ZNF462: variants seen among roughly 807,000 people sequenced by gnomAD.
The protein encoded by ZNF462 is zinc finger PBX1-interacting protein.
ZNF462 carries 10 observed loss-of-function variants against 201.9 expected under a neutral mutation model. The observed-to-expected ratio is 0.05, with a 90% CI of 0.03 to 0.08. ZNF462 has a LOEUF of 0.08. Among genes scored for constraint, ZNF462 ranks in the 10% least tolerant of loss-of-function variants. ZNF462 has a pLI of 1.00. For missense variants in ZNF462, 2,523 were observed against 3,168.3 expected, an observed-to-expected ratio of 0.80 and a Z score of 4.89; for synonymous variants, 1,227 against 1,193.3, an observed-to-expected ratio of 1.03 and a Z score of -0.58.
rs1417738828 is a variant in ZNF462 at position 106,963,665 on chromosome 9, G to A, written c.6428-8340G>A. On this transcript the variant is annotated intron_variant, in intron 7 of 12. Coordinates refer to ENST00000277225, the MANE Select transcript of ZNF462 (RefSeq NM_021224.6). The surrounding 1 kb of genome is among the most constrained non-coding windows in gnomAD (Gnocchi z 4.7). ...ACCTAACAGATGATCTTGTCTAAAG[G>A]CACCTAAAAAAATTACTGCAGTAAA... Among the ~76,000 whole-genome samples, 1 of 151,990 alleles carries A rather than the reference G, an allele frequency of 6.6e-6. No individual in the cohort carries two copies. Among genetic ancestry groups the A allele is most frequent in the East Asian group, 1.9e-4 (1 of 5,168 alleles).
chr9:106,867,661 C>G (rs915779708), intron 1 of ZNF462, among the ~76,000 whole-genome samples: 1 of 151,660 alleles, frequency 6.6e-6, no homozygotes, highest in East Asian at 1.9e-4. Context: ...TACTAATGGA[C>G]TTTAGAGTAC....
rs1261180160 is a variant in ZNF462, at chr9:107,013,602, T to G, written c.*2572T>G. On this transcript the variant is annotated 3_prime_UTR_variant, in exon 13 of 13. Coordinates refer to ENST00000277225, the MANE Select transcript of ZNF462 (RefSeq NM_021224.6). ...GCAACATACATTTTGTAATGAAATGTGAGAAATTAATAAAGAATTTTTTTC... is the reference window on the plus strand; with the variant it reads ...GCAACATACATTTTGTAATGAAATGGGAGAAATTAATAAAGAATTTTTTTC... 1.3e-5 allele frequency: 2 copies of G among 152,198 alleles called. No individual in the cohort carries two copies. Among genetic ancestry groups the G allele is most frequent in the African/African-American group, 4.8e-5 (2 of 41,462 alleles). 9.4% of individuals were successfully genotyped at this position (152,198 alleles called of 1,614,324 possible). A position where few individuals can be genotyped will look rare whatever the true frequency, so the allele number is the denominator to read the frequency against.
intron 7 of ZNF462, among the ~76,000 whole-genome samples, chr9:106,971,736 GA>G (rs1163282121): frequency 2.6e-5 from 4 of 152,154 alleles, no homozygotes; most frequent in Non-Finnish European, 5.9e-5. Context: ...TTTGCTGGGG[GA>G]GTAGGTCTTA....
intron 7 of ZNF462, among the ~76,000 whole-genome samples, chr9:106,969,198 C>T (rs1186748185): frequency 1.3e-5 from 2 of 151,930 alleles, no homozygotes; most frequent in Non-Finnish European, 2.9e-5. Flanking sequence ...TTGTTTTTGT[C>T]AATAAACCTG....
chr9:106,874,014 G>T (rs1004315382), intron 1 of ZNF462, among the ~76,000 whole-genome samples: 9 of 152,150 alleles, frequency 5.9e-5, no homozygotes, highest in Non-Finnish European at 1.2e-4. Flanking sequence ...AAGTGTACTA[G>T]AGAAGGCCAC....
At chr9:106,936,873 A>G (rs1423315331) in intron 6 of ZNF462, among the ~76,000 whole-genome samples, 2 of 152,170 alleles carry the variant, frequency 1.3e-5, no homozygotes, top group Non-Finnish European at 2.9e-5. Flanking sequence ...CTGCTCTTGG[A>G]ACTGACCCAA....
rs1829881567 is a variant in ZNF462 at position 107,010,664 on chromosome 9, G to A, written c.7314-159G>A. ...AAACATAGCAGGGATGCATCACTTG[G>A]TATTTTGTCATACACCCATGGCATT... is the stretch of plus-strand genomic sequence containing the variant. On this transcript the variant is annotated intron_variant, in intron 12 of 12. Transcript: ENST00000277225. This position sits in a 1 kb window ranked among gnomAD's most constrained non-coding sequence, Gnocchi z 4.6. 6.6e-6 allele frequency among the ~76,000 whole-genome samples: 1 copy of A among 152,128 alleles called. No homozygotes were observed. Among genetic ancestry groups the A allele is most frequent in the African/African-American group, 2.4e-5 (1 of 41,426 alleles).
chr9:107,011,247 C>T lies in ZNF462; in HGVS notation c.*217C>T. 1 of 528,794 alleles carries T rather than the reference C, an allele frequency of 1.9e-6. No individual in the cohort carries two copies. Among genetic ancestry groups the T allele is most frequent in the South Asian group, 2.2e-5 (1 of 45,328 alleles). The allele number at this position is 528,794 out of a possible 1,614,324, so 32.8% of individuals were successfully genotyped here. On this transcript the variant is annotated 3_prime_UTR_variant, in exon 13 of 13. Coordinates refer to ENST00000277225, the MANE Select transcript of ZNF462 (RefSeq NM_021224.6). The surrounding 1 kb of genome is among the most constrained non-coding windows in gnomAD (Gnocchi z 5.6). Reference sequence around the variant, plus strand: ...GGAATATGTGGCTCCTTTTCCATCACTACATCTTTTCTTCCGGATCTTCAT... The same window carrying T: ...GGAATATGTGGCTCCTTTTCCATCATTACATCTTTTCTTCCGGATCTTCAT...
intron 1 of ZNF462, among the ~76,000 whole-genome samples, chr9:106,877,669 T>C (rs756688228): frequency 1.9e-4 from 29 of 152,186 alleles, no homozygotes; most frequent in Non-Finnish European, 3.5e-4. Context: ...TGTAAGCCAC[T>C]GCGTCCAGCC....
rs1826516648 is a variant in ZNF462, at chr9:106,970,148, A to G, written c.6428-1857A>G. 6.6e-6 allele frequency among the ~76,000 whole-genome samples: 1 copy of G among 152,330 alleles called. No homozygotes were observed. Among genetic ancestry groups the G allele is most frequent in the Non-Finnish European group, 1.5e-5 (1 of 68,022 alleles). On this transcript the variant is annotated intron_variant, in intron 7 of 12. Coordinates refer to ENST00000277225, the MANE Select transcript of ZNF462 (RefSeq NM_021224.6). The surrounding 1 kb of genome is among the most constrained non-coding windows in gnomAD (Gnocchi z 4.2). ...TAGAGGAATAAAGAAAAAGGAGATA[A>G]AAGAACTGGGTAAAATGAATTCAGT...
rs1236535921 is a variant in ZNF462 at position 106,950,458 on chromosome 9, G to A, written c.6427+11351G>A. On this transcript the variant is annotated intron_variant, in intron 7 of 12. Coordinates refer to ENST00000277225, the MANE Select transcript of ZNF462 (RefSeq NM_021224.6). This position sits in a 1 kb window ranked among gnomAD's most constrained non-coding sequence, Gnocchi z 4.1. ...TGAGTTGTGATTTTATTGTTACTCTGATTTTATAGTATTTTAAAATTTTGC... is the reference window on the plus strand; with the variant it reads ...TGAGTTGTGATTTTATTGTTACTCTAATTTTATAGTATTTTAAAATTTTGC... 1.3e-5 allele frequency among the ~76,000 whole-genome samples: 2 copies of A among 152,128 alleles called. No homozygotes were observed.
intron 1 of ZNF462, among the ~76,000 whole-genome samples, chr9:106,868,031 A>AGG (rs1827420547): frequency 6.6e-6 from 1 of 150,950 alleles, no homozygotes; most frequent in Non-Finnish European, 1.5e-5. Context: ...GCAGAAGTGG[A>AGG]GGGAGACTAT....
intron 10 of ZNF462, among the ~76,000 whole-genome samples, chr9:106,989,826 T>C (rs1828129947): frequency 6.6e-6 from 1 of 152,174 alleles, no homozygotes; most frequent in Non-Finnish European, 1.5e-5. Flanking sequence ...TTTATGTGCG[T>C]AAAGGTGTTC....
At chr9:106,958,225 G>A (rs1330728843) in intron 7 of ZNF462, among the ~76,000 whole-genome samples, 1 of 152,090 alleles carries the variant, frequency 6.6e-6, no homozygotes, top group Non-Finnish European at 1.5e-5. Flanking sequence ...GGTCAGGACT[G>A]TGGGTACAAT....
chr9:106,940,792 C>T (rs1447874829), intron 7 of ZNF462, among the ~76,000 whole-genome samples: 1 of 151,762 alleles, frequency 6.6e-6, no homozygotes, highest in Non-Finnish European at 1.5e-5. Flanking sequence ...AGTCACACAT[C>T]TAGGGCTGGG....
intron 1 of ZNF462, among the ~76,000 whole-genome samples, chr9:106,881,081 A>G (rs1174301930): frequency 2.0e-5 from 3 of 152,124 alleles, no homozygotes; most frequent in Non-Finnish European, 4.4e-5. Context: ...TCGCCAGATG[A>G]GTAAGGACGA....
At position 106,925,442 on chromosome 9, in the gene ZNF462, T is replaced by G; in HGVS notation, c.1530T>G (p.Ser510=). 1 of 1,614,074 alleles carries G rather than the reference T, an allele frequency of 6.2e-7. No individual in the cohort carries two copies. Among genetic ancestry groups the G allele is most frequent in the Admixed American group, 1.7e-5 (1 of 60,016 alleles). ...TGAATTCCCAGAGTGAAAGCATTTCTTCCTCACTGAATGAAGGTGTGGTGT... is the reference window on the plus strand; with the variant it reads ...TGAATTCCCAGAGTGAAAGCATTTCGTCCTCACTGAATGAAGGTGTGGTGT... ...DAVNSQSESI[S]SSLNEGVVSY... Residue 510 remains serine (S), a synonymous_variant, in exon 3 of 13, where the codon TCT becomes TCG. Coordinates refer to ENST00000277225, the MANE Select transcript of ZNF462 (RefSeq NM_021224.6). The surrounding 1 kb of genome is among the most constrained non-coding windows in gnomAD (Gnocchi z 7.9).
At chr9:106,889,235 C>T (rs1828464367) in intron 1 of ZNF462, among the ~76,000 whole-genome samples, 1 of 152,112 alleles carries the variant, frequency 6.6e-6, no homozygotes, top group Non-Finnish European at 1.5e-5. Context: ...ACCCTTCCTC[C>T]CCACCCCTTT....
Position 106,954,608 on chromosome 9 carries a change from C to A in ZNF462, c.6427+15501C>A, listed in dbSNP as rs937524132. 3.3e-5 allele frequency among the ~76,000 whole-genome samples: 5 copies of A among 152,028 alleles called. No homozygotes were observed. The highest frequency in any genetic ancestry group is 2.6e-4 in the Admixed American group (4 of 15,258). On this transcript the variant is annotated intron_variant, in intron 7 of 12. Transcript: ENST00000277225. This position sits in a 1 kb window ranked among gnomAD's most constrained non-coding sequence, Gnocchi z 4.0. ...TCATTCTCCCTATATTCTAGCCTAA[C>A]TGGAATGAGCATCTCTCTCCTCATC...
Sources: allele counts gnomAD v4.1 joint callset (sites outside exome capture counted in the v4.1 genomes callset), GRCh38; gene constraint gnomAD v4.1.1; non-coding constraint Gnocchi (gnomAD v3.1); transcripts MANE v1.5; gene names NCBI Gene and HGNC (gene_info 2026-07-23, HGNC 2026-07-21).